Variants in GSPT1 observed in about 807,000 individuals in gnomAD.
GSPT1 encodes G1 to S phase transition 1.
GSPT1 carries 20 observed loss-of-function variants against 72.5 expected under a neutral mutation model. The ratio of observed to expected loss-of-function variants is 0.28; its 90% CI spans 0.19 to 0.40. The LOEUF (loss-of-function observed/expected upper bound fraction) is 0.40. Ranked by LOEUF, GSPT1 falls within the 10% of genes least tolerant of loss-of-function variation. GSPT1 has a pLI of 1.00. For missense variants in GSPT1, 580 were observed against 811.9 expected (o/e 0.71, Z 3.47); for synonymous variants, 334 against 293.5 (o/e 1.14, Z -1.41).
upstream of GSPT1, among the ~76,000 whole-genome samples, chr16:11,916,435 C>T (rs1392048154): frequency 6.6e-6 from 1 of 152,208 alleles, no homozygotes; most frequent in Non-Finnish European, 1.5e-5. Flanking sequence ...CACTCAGCTC[C>T]CGAAAATTCT....
chr16:11,887,021 G>GTTTTTTTT (rs34304551), intron 7 of GSPT1, 90 bp from the exon 8 acceptor site: 2 of 545,746 alleles, frequency 3.7e-6, no homozygotes, highest in South Asian at 3.1e-5. Context: ...TATATCACGA[G>GTTTTTTTT]TTTTTTTTTT....
At chr16:11,879,516 C>T (rs643982) in intron 11 of GSPT1, among the ~76,000 whole-genome samples, 9,567 of 152,052 alleles carry the variant, frequency 0.063, 371 homozygotes, top group South Asian at 0.16. Context: ...AGGTGGATCA[C>T]GAGGTCAGAA....
At chr16:11,905,180 T>A (rs1398437698) in intron 1 of GSPT1, among the ~76,000 whole-genome samples, 1 of 152,188 alleles carries the variant, frequency 6.6e-6, no homozygotes, top group Non-Finnish European at 1.5e-5. Flanking sequence ...GTGTCTCACA[T>A]TGCATGAAAG....
chr16:11,907,137 A>C (rs889484852), intron 1 of GSPT1, among the ~76,000 whole-genome samples: 5 of 152,220 alleles, frequency 3.3e-5, no homozygotes, highest in African/African-American at 1.2e-4. Context: ...TATTGCTTTA[A>C]ATCAGAGCAC....
chr16:11,906,576 G>C (rs2054492974), intron 1 of GSPT1, among the ~76,000 whole-genome samples: 1 of 152,196 alleles, frequency 6.6e-6, no homozygotes, highest in African/African-American at 2.4e-5. Flanking sequence ...TGAGGCCACA[G>C]TGAGCTATGA....
chr16:11,873,121 A>T lies in GSPT1; in HGVS notation c.1912T>A (p.Ter638LysextTer4). Reference sequence around the variant, plus strand: ...GTGCAGGGTCATCAAGAAAATGCTTAGTCTTTCTCTGGAACCAGTTTCAGA... The same window carrying T: ...GTGCAGGGTCATCAAGAAAATGCTTTGTCTTTCTCTGGAACCAGTTTCAGA... Reference protein sequence around the residue: ...KVLKLVPEKD* With the variant: ...KVLKLVPEKDK The change falls in exon 15 of 15, where the codon TAA becomes AAA. Residue 638 changes from the stop codon to lysine (K), a stop_lost. Transcript: ENST00000434724. The T allele has an allele frequency of 1.3e-6, 2 of 1,580,312 alleles. No homozygotes were observed. Among genetic ancestry groups the T allele is most frequent in the Non-Finnish European group, 1.7e-6 (2 of 1,149,586 alleles).
chr16:11,888,463 C>CA (rs1342911354), intron 6 of GSPT1, among the ~76,000 whole-genome samples: 4,736 of 73,506 alleles, frequency 0.064, 212 homozygotes, highest in African/African-American at 0.18. Context: ...CTCTGTCTCT[C>CA]AAAAAAAAAA....
chr16:11,876,685 G>A (rs1248441679), intron 12 of GSPT1, among the ~76,000 whole-genome samples: 1 of 152,188 alleles, frequency 6.6e-6, no homozygotes, highest in Non-Finnish European at 1.5e-5. Context: ...GGAGGTTGCA[G>A]TGAGCCAAGA....
intron 11 of GSPT1, chr16:11,882,275 T>C (rs1457400251): frequency 6.6e-6 from 1 of 152,156 alleles, no homozygotes; most frequent in Non-Finnish European, 1.5e-5. Context: ...AACAACTAAC[T>C]AAGAACTCAA....
chr16:11,903,586 C>G (rs967314751), intron 1 of GSPT1, among the ~76,000 whole-genome samples: 1 of 152,040 alleles, frequency 6.6e-6, no homozygotes, highest in Non-Finnish European at 1.5e-5. Flanking sequence ...ACTTGGGAGG[C>G]TGAGGTGGGA....
rs2053993924 is a variant in GSPT1, at chr16:11,872,847, A to C, written c.*272T>G. ...TTCATTATTGTAGGCAATTATGTCC[A>C]CATCACTTACAAAGCTATTGCCAAA... On this transcript the variant is annotated 3_prime_UTR_variant, in exon 15 of 15. Coordinates refer to ENST00000434724, the MANE Select transcript of GSPT1 (RefSeq NM_002094.4). 5.6e-6 allele frequency: 2 copies of C among 358,762 alleles called. No individual in the cohort carries two copies. The highest frequency in any genetic ancestry group is 4.3e-5 in the Admixed American group (1 of 23,528). The allele number at this position is 358,762 out of a possible 1,614,324, so 22.2% of individuals were successfully genotyped here.
At chr16:11,884,589 GTC>G (rs2054163281) in intron 10 of GSPT1, among the ~76,000 whole-genome samples, 1 of 152,040 alleles carries the variant, frequency 6.6e-6, no homozygotes, top group African/African-American at 2.4e-5. Flanking sequence ...GTGAAAACCG[GTC>G]TCTACTAAAA....
rs914245344 is a variant in GSPT1 at position 11,872,991 on chromosome 16, G to A, written c.*128C>T. ...AGCTGACATAATGTGGACTTTTGCT[G>A]TGAATTTCCTCTTTGCAAAATATGG... On this transcript the variant is annotated 3_prime_UTR_variant, in exon 15 of 15. Transcript: ENST00000434724. 7.9e-5 allele frequency: 49 copies of A among 619,056 alleles called. No individual in the cohort carries two copies. The highest frequency in any genetic ancestry group is 1.1e-4 in the Non-Finnish European group (36 of 335,060). 38.3% of individuals were successfully genotyped at this position (619,056 alleles called of 1,614,324 possible).
At position 11,872,099 on chromosome 16, in the gene GSPT1, G is replaced by A. The variant is rs2053985483; in HGVS notation, c.*1020C>T. On this transcript the variant is annotated 3_prime_UTR_variant, in exon 15 of 15. Transcript: ENST00000434724. The stretch of plus-strand genomic sequence containing the variant: ...GGATCATCCAACCTTTAAAGTTACT[G>A]ATACAAAGAGTAAACTGAGTAACTT... The A allele has an allele frequency of 6.6e-6, 1 of 152,124 alleles. No homozygotes were observed. Among genetic ancestry groups the A allele is most frequent in the Admixed American group, 6.5e-5 (1 of 15,274 alleles). 9.4% of individuals were successfully genotyped at this position (152,124 alleles called of 1,614,324 possible).
intron 1 of GSPT1, among the ~76,000 whole-genome samples, chr16:11,913,183 T>G (rs1646010468): frequency 6.6e-6 from 1 of 152,230 alleles, no homozygotes; most frequent in Non-Finnish European, 1.5e-5. Context: ...CGATGCTGGC[T>G]TTTTATGGAC....
chr16:11,889,896 C>T (rs887082467), intron 6 of GSPT1, among the ~76,000 whole-genome samples: 1 of 152,048 alleles, frequency 6.6e-6, no homozygotes, highest in Non-Finnish European at 1.5e-5. Context: ...CCTGCCTTGC[C>T]TCCCAAAGTG....
chr16:11,902,111 G>A (rs187589095), intron 1 of GSPT1, among the ~76,000 whole-genome samples: 3 of 146,612 alleles, frequency 2.0e-5, no homozygotes, highest in Admixed American at 6.8e-5. Flanking sequence ...AGCCAGGCAC[G>A]GTGGCTCATG....
Position 11,915,224 on chromosome 16 carries a change from G to C in GSPT1, c.352+145C>G, listed in dbSNP as rs1386921025. On this transcript the variant is annotated intron_variant, in intron 1 of 14. Transcript: ENST00000434724. ...CCCGCGAAGGCCGGCTCCCGGGCTC[G>C]GGGCGCCCCACCCAGGCAGACGGCG... The C allele has an allele frequency of 1.9e-5, 22 of 1,136,578 alleles. No homozygotes were observed. The South Asian group carries it at 4.4e-4, about 23-fold the overall frequency. The allele number at this position is 1,136,578 out of a possible 1,614,324, so 70.4% of individuals were successfully genotyped here.
chr16:11,901,218 T>C (rs2054402184), intron 1 of GSPT1, among the ~76,000 whole-genome samples: 1 of 152,124 alleles, frequency 6.6e-6, no homozygotes, highest in South Asian at 2.1e-4. Flanking sequence ...AGTAAACCTT[T>C]ACTTGTTCAT....
Sources: gnomAD v4.1 joint callset for allele counts (sites outside exome capture counted in the v4.1 genomes callset) on GRCh38, gnomAD v4.1.1 for gene constraint, MANE v1.5 for transcripts, NCBI Gene and HGNC (gene_info 2026-07-23, HGNC 2026-07-21) for gene names.